The following CACNA1B variants were observed in gnomAD, a reference collection of about 807,000 sequenced individuals.
The protein encoded by CACNA1B is voltage-dependent N-type calcium channel subunit alpha-1B.
A neutral mutation model predicts 247.2 loss-of-function variants in CACNA1B; 70 were observed. The observed-to-expected ratio is 0.28, with a 90% CI of 0.23 to 0.35. The LOEUF (loss-of-function observed/expected upper bound fraction) is 0.35, where lower values mean the gene tolerates loss of function less well. Ranked by LOEUF, CACNA1B falls within the 10% of genes least tolerant of loss-of-function variation. The probability of loss-of-function intolerance (pLI) is 1.00; values close to 1 mark genes in which losing one functional copy is unlikely to be tolerated. For synonymous variants in CACNA1B, 1,231 were observed against 1,294.4 expected, an observed-to-expected ratio of 0.95 and a Z score of 1.05; for missense variants, 2,367 against 3,197.4, an observed-to-expected ratio of 0.74 and a Z score of 6.26.
intron 20 of CACNA1B, among the ~76,000 whole-genome samples, chr9:138,041,780 A>C (rs376307829): frequency 6.6e-6 from 1 of 152,190 alleles, no homozygotes; most frequent in East Asian, 1.9e-4. Flanking sequence ...TTTTAGAGAC[A>C]ATCTCATTCT....
intron 32 of CACNA1B, among the ~76,000 whole-genome samples, chr9:138,071,424 C>T (rs574732035): frequency 2.0e-5 from 3 of 152,296 alleles, no homozygotes; most frequent in Non-Finnish European, 2.9e-5. Context: ...AGGTGCACGG[C>T]GTGGCGCTGC....
chr9:138,111,938 C>CT (rs11326781), intron 39 of CACNA1B, among the ~76,000 whole-genome samples: 7,863 of 146,768 alleles, frequency 0.054, 503 homozygotes, highest in East Asian at 0.17. Context: ...CTCCGGTACA[C>CT]TTTTTTTTTT....
chr9:137,883,389 G>A (rs556427671), intron 3 of CACNA1B, among the ~76,000 whole-genome samples: 3 of 152,188 alleles, frequency 2.0e-5, no homozygotes, highest in South Asian at 2.1e-4. Flanking sequence ...TGTGTGTGTC[G>A]AGTGCTTTCA....
rs953156135 is a variant in CACNA1B, at chr9:138,121,372, T to TC, written c.6490-91dup. The TC allele has an allele frequency of 5.3e-6, 5 of 944,384 alleles. No homozygotes were observed. Among genetic ancestry groups the TC allele is most frequent in the African/African-American group, 1.7e-5 (1 of 59,180 alleles). The allele number at this position is 944,384 out of a possible 1,614,324, so 58.5% of individuals were successfully genotyped here. ...CCCATTGCCTCCCTCTCTCCTCCCA[T>TC]CCCCCCAGGCACCTGTGTGTGATGT... On this transcript the variant is annotated intron_variant, in intron 46 of 46. Transcript: ENST00000371372. The surrounding 1 kb of genome is among the most constrained non-coding windows in gnomAD (Gnocchi z 6.8).
At chr9:138,053,204 C>G (rs532870861) in intron 25 of CACNA1B, among the ~76,000 whole-genome samples, 1 of 152,232 alleles carries the variant, frequency 6.6e-6, no homozygotes. Flanking sequence ...AGCCCAGCAC[C>G]TGCTGGTGCA....
At chr9:137,931,427 G>T (rs748876481) in intron 6 of CACNA1B, among the ~76,000 whole-genome samples, 5 of 152,156 alleles carry the variant, frequency 3.3e-5, no homozygotes, top group Admixed American at 6.5e-5. Flanking sequence ...AATGGGGGGC[G>T]TTGCAAAGGG....
chr9:137,927,503 C>T (rs1957564829), intron 6 of CACNA1B, among the ~76,000 whole-genome samples: 1 of 152,126 alleles, frequency 6.6e-6, no homozygotes, highest in Non-Finnish European at 1.5e-5. Flanking sequence ...GTCCTTTTAC[C>T]ATAAAATGGT....
At chr9:138,027,899 T>A (rs554179199) in intron 20 of CACNA1B, among the ~76,000 whole-genome samples, 18 of 152,238 alleles carry the variant, frequency 1.2e-4, no homozygotes, top group African/African-American at 4.3e-4. Context: ...CTTTCTTTTG[T>A]CACATTTGAG....
Position 137,882,983 on chromosome 9 carries a change from A to G in CACNA1B, c.530+100A>G. ...GAGCTGGGGCAGCTGCAGTCCCCTC[A>G]CTGGGGTCCCCTCACAGCCCTGCTG... On this transcript the variant is annotated intron_variant, in intron 3 of 46. Transcript: ENST00000371372. The surrounding 1 kb of genome is among the most constrained non-coding windows in gnomAD (Gnocchi z 4.0). 7.5e-7 allele frequency: 1 copy of G among 1,333,794 alleles called. No homozygotes were observed. 82.6% of individuals were successfully genotyped at this position (1,333,794 alleles called of 1,614,324 possible).
chr9:137,900,002 G>A (rs563906247), intron 3 of CACNA1B, among the ~76,000 whole-genome samples: 1 of 152,314 alleles, frequency 6.6e-6, no homozygotes, highest in Non-Finnish European at 1.5e-5. Flanking sequence ...AGCATCCATA[G>A]TTTCTCATAG....
rs138812277 is a variant in CACNA1B, at chr9:138,100,950, C to T, written c.5223-1761C>T. Among the ~76,000 whole-genome samples, 70 of 152,250 alleles carry T rather than the reference C, an allele frequency of 4.6e-4. 1 individual carries two copies. The East Asian group carries it at 0.012, about 26-fold the overall frequency. On this transcript the variant is annotated intron_variant, in intron 37 of 46. Coordinates refer to ENST00000371372, the MANE Select transcript of CACNA1B (RefSeq NM_000718.4). This position sits in a 1 kb window ranked among gnomAD's most constrained non-coding sequence, Gnocchi z 4.6. ...CACACCTCCCGGGGAGCTCCAAGCC[C>T]CAGTACCCCGGCGAGGTGCCACCTG...
intron 31 of CACNA1B, chr9:138,068,459 C>A: frequency 3.1e-6 from 1 of 323,980 alleles, no homozygotes; most frequent in Non-Finnish European, 6.3e-6. Context: ...TCAGAAAAAT[C>A]AGAAAAGTTG....
chr9:138,107,274 T>C (rs1961465009), intron 39 of CACNA1B, among the ~76,000 whole-genome samples: 3 of 136,862 alleles, frequency 2.2e-5, no homozygotes, highest in Admixed American at 7.6e-5. Flanking sequence ...TTATATAGGG[T>C]CTCACTGTGT....
chr9:138,016,963 C>G (rs980043378), intron 18 of CACNA1B, among the ~76,000 whole-genome samples: 1 of 152,220 alleles, frequency 6.6e-6, no homozygotes, highest in African/African-American at 2.4e-5. Context: ...TTCTCAACTT[C>G]TCTTTCACCC....
intron 6 of CACNA1B, among the ~76,000 whole-genome samples, chr9:137,948,050 G>A (rs891577009): frequency 6.6e-5 from 9 of 136,894 alleles, no homozygotes; most frequent in Non-Finnish European, 9.0e-5. Flanking sequence ...GCACAATCTC[G>A]GCTCACTGCA....
At position 137,914,574 on chromosome 9, in the gene CACNA1B, C is replaced by G; in HGVS notation, c.623-80C>G. The G allele has an allele frequency of 8.4e-7, 1 of 1,196,910 alleles. No homozygotes were observed. The highest frequency in any genetic ancestry group is 1.2e-6 in the Non-Finnish European group (1 of 825,958). 74.1% of individuals were successfully genotyped at this position (1,196,910 alleles called of 1,614,324 possible). On this transcript the variant is annotated intron_variant, in intron 4 of 46. Coordinates refer to ENST00000371372, the MANE Select transcript of CACNA1B (RefSeq NM_000718.4). This position sits in a 1 kb window ranked among gnomAD's most constrained non-coding sequence, Gnocchi z 4.3. ...CCTTGCTGTCCCTGCTAGGTTCCTG[C>G]TGTTCTGTCCCTGCCCCCACCAAAT...
chr9:137,902,452 T>A (rs2133260665), intron 3 of CACNA1B, among the ~76,000 whole-genome samples: 1 of 152,374 alleles, frequency 6.6e-6, no homozygotes. Context: ...ATACTTGTGT[T>A]GGTATTTAAT....
intron 10 of CACNA1B, among the ~76,000 whole-genome samples, chr9:137,961,378 A>C (rs1958019761): frequency 6.6e-6 from 1 of 152,210 alleles, no homozygotes; most frequent in African/African-American, 2.4e-5. Flanking sequence ...ATCTTGCCAG[A>C]TTGCTCTGGC....
At chr9:138,044,126 G>A (rs1959166086) in intron 21 of CACNA1B, among the ~76,000 whole-genome samples, 2 of 152,230 alleles carry the variant, frequency 1.3e-5, no homozygotes, top group Admixed American at 1.3e-4. Flanking sequence ...CTCCAGGCCT[G>A]GGCTCCTCAC....
Sources: allele counts gnomAD v4.1 joint callset (sites outside exome capture counted in the v4.1 genomes callset), GRCh38; gene constraint gnomAD v4.1.1; non-coding constraint Gnocchi (gnomAD v3.1); transcripts MANE v1.5; gene names NCBI Gene and HGNC (gene_info 2026-07-23, HGNC 2026-07-21).